The following CEP85 variants were observed in gnomAD, a reference collection of about 807,000 sequenced individuals.
The protein encoded by CEP85 is centrosomal protein of 85 kDa.
CEP85 carries 58 observed loss-of-function variants against 93.7 expected under a neutral mutation model. The observed-to-expected ratio is 0.62, with a 90% confidence interval of 0.50 to 0.77. CEP85 has a LOEUF of 0.77. Among genes scored for constraint, CEP85 ranks in the 30% least tolerant of loss-of-function variants. The probability of loss-of-function intolerance (pLI) is 0.00; values close to 1 mark genes in which losing one functional copy is unlikely to be tolerated. For missense variants in CEP85, 868 were observed against 922.0 expected (o/e 0.94, Z 0.76); for synonymous variants, 314 against 338.6 (o/e 0.93, Z 0.80).
In CEP85 at chr1:26,263,734, T is replaced by G. The variant is rs548347293; in HGVS notation, c.1341+3932T>G. On this transcript the variant is annotated intron_variant, in intron 7 of 13. Transcript: ENST00000451429. Reference sequence around the variant, plus strand: ...CTGTGCCCCAGCACAACCCCACAATTGTGTATCTATCTTGAGCTCTTCTCT... The same window carrying G: ...CTGTGCCCCAGCACAACCCCACAATGGTGTATCTATCTTGAGCTCTTCTCT... Among the ~76,000 whole-genome samples the G allele has an allele frequency of 2.0e-5, 3 of 152,150 alleles. No homozygotes were observed. In the South Asian group the frequency reaches 6.2e-4, roughly 32 times the overall value.
chr1:26,266,220 A>AT (rs1482533056), intron 7 of CEP85, among the ~76,000 whole-genome samples: 51 of 151,512 alleles, frequency 3.4e-4, no homozygotes, highest in African/African-American at 1.1e-3. Flanking sequence ...AAAAAAAAAA[A>AT]TTGTTTTTTC....
chr1:26,269,477 G>T lies in CEP85; in HGVS notation c.1512G>T (p.Leu504Phe). 6.2e-7 allele frequency: 1 copy of T among 1,614,170 alleles called. No individual in the cohort carries two copies. Among genetic ancestry groups the T allele is most frequent in the South Asian group, 1.1e-5 (1 of 91,076 alleles). Residue 504 changes from leucine (L) to phenylalanine (F), a missense_variant, in exon 9 of 14, where the codon TTG becomes TTT. Transcript: ENST00000451429. ...KQSQQLKDSE[L>F]KSTELQEKVT... is the part of the protein sequence containing the mutation. ...TCTCTCAGCTTAAGGATTCTGAGTTGAAGAGCACAGAGCTGCAGGAGAAAG... is the reference window on the plus strand; with the variant it reads ...TCTCTCAGCTTAAGGATTCTGAGTTTAAGAGCACAGAGCTGCAGGAGAAAG...
chr1:26,260,289 G>A (rs905969731), intron 7 of CEP85, among the ~76,000 whole-genome samples: 2 of 152,130 alleles, frequency 1.3e-5, no homozygotes, highest in Admixed American at 1.3e-4. Flanking sequence ...TCCAGAGTTC[G>A]AGACCAGCCT....
intron 4 of CEP85, among the ~76,000 whole-genome samples, chr1:26,256,453 C>T (rs2124583596): frequency 6.6e-6 from 1 of 152,056 alleles, no homozygotes; most frequent in Middle Eastern, 3.4e-3. Context: ...ATTGCTTGAA[C>T]CTGGGAGGCG....
At chr1:26,235,835 A>G (rs897451021) in intron 1 of CEP85, among the ~76,000 whole-genome samples, 2 of 152,096 alleles carry the variant, frequency 1.3e-5, no homozygotes, top group East Asian at 3.9e-4. Flanking sequence ...GCCTCCCAAA[A>G]TGCTGGGATT....
chr1:26,259,538 T>C, intron 6 of CEP85, 79 bp from the exon 7 acceptor site: 1 of 1,293,354 alleles, frequency 7.7e-7, no homozygotes, highest in Non-Finnish European at 1.1e-6. Flanking sequence ...TATTTGACCG[T>C]GAAGTATGCT....
intron 5 of CEP85, 152 bp from the exon 6 acceptor site, chr1:26,257,991 A>T: frequency 1.4e-6 from 1 of 720,364 alleles, no homozygotes; most frequent in South Asian, 1.7e-5. Context: ...TCATTTCCCC[A>T]GTTATCTTTC....
At position 26,252,102 on chromosome 1, in the gene CEP85, G is replaced by A. The variant is rs191647680; in HGVS notation, c.209-3069G>A. Among the ~76,000 whole-genome samples the A allele has an allele frequency of 4.6e-5, 7 of 152,108 alleles. 1 individual carries two copies. The highest frequency in any genetic ancestry group is 3.9e-4 in the Admixed American group (6 of 15,262). ...AAAAATTAGCCAGGCATGGTGGCGGGCTCCTGTAATCCCAGCTACTCGAGA... is the reference window on the plus strand; with the variant it reads ...AAAAATTAGCCAGGCATGGTGGCGGACTCCTGTAATCCCAGCTACTCGAGA... On this transcript the variant is annotated intron_variant, in intron 3 of 13. Coordinates refer to ENST00000451429, the MANE Select transcript of CEP85 (RefSeq NM_001319944.2).
intron 3 of CEP85, among the ~76,000 whole-genome samples, chr1:26,247,931 G>A (rs1398602491): frequency 6.6e-6 from 1 of 152,162 alleles, no homozygotes; most frequent in South Asian, 2.1e-4. Flanking sequence ...AAAGTGCTGG[G>A]ATTACAGGTG....
rs1346912605 is a variant in CEP85 at position 26,276,486 on chromosome 1, T to C, written c.1903-49T>C. Reference sequence around the variant, plus strand: ...CCCACACACTCATGCACAGATACTCTTCCTCTCCCTGGGCCTGAGTTAATG... The same window carrying C: ...CCCACACACTCATGCACAGATACTCCTCCTCTCCCTGGGCCTGAGTTAATG... On this transcript the variant is annotated intron_variant, in intron 12 of 13. Transcript: ENST00000451429. 4 of 1,443,650 alleles carry C rather than the reference T, an allele frequency of 2.8e-6. No homozygotes were observed. In the South Asian group the frequency reaches 4.6e-5, roughly 17 times the overall value. 89.4% of individuals were successfully genotyped at this position (1,443,650 alleles called of 1,614,324 possible). A position where few individuals can be genotyped will look rare whatever the true frequency, so the allele number is the denominator to read the frequency against.
rs2089940652 is a variant in CEP85 at position 26,269,508 on chromosome 1, G to A, written c.1543G>A (p.Glu515Lys). ...CACAGAGCTGCAGGAGAAAGTGACT[G>A]AGCTGGAGAGTTTGCTGGAGGAGAC... ...KSTELQEKVTELESLLEETQA... is the reference protein window; with the variant it reads ...KSTELQEKVTKLESLLEETQA... The change falls in exon 9 of 14, where the codon GAG (glutamate) becomes AAG (lysine). Residue 515 changes from glutamate to lysine, a missense_variant. Transcript: ENST00000451429. 1 of 1,614,120 alleles carries A rather than the reference G, an allele frequency of 6.2e-7. No individual in the cohort carries two copies. Among genetic ancestry groups the A allele is most frequent in the Non-Finnish European group, 8.5e-7 (1 of 1,179,966 alleles).
intron 6 of CEP85, 99 bp downstream of exon 6, chr1:26,258,359 A>G: frequency 1.3e-6 from 1 of 757,450 alleles, no homozygotes; most frequent in South Asian, 1.6e-5. Flanking sequence ...AAAGAGCTCA[A>G]GTGATGTAAG....
intron 7 of CEP85, among the ~76,000 whole-genome samples, chr1:26,261,083 A>C (rs528297930): frequency 5.9e-5 from 9 of 151,286 alleles, no homozygotes; most frequent in Non-Finnish European, 1.0e-4. Context: ...GACCCACTGC[A>C]CCCAGCTGGA....
At chr1:26,234,939 CGAA>C (rs1304218408) in intron 1 of CEP85, among the ~76,000 whole-genome samples, 1 of 152,094 alleles carries the variant, frequency 6.6e-6, no homozygotes, top group Admixed American at 6.5e-5. Flanking sequence ...GCATCTAGTG[CGAA>C]GAAGCCAGGG....
rs182517529 is a variant in CEP85, at chr1:26,267,433, G to A, written c.1342-1050G>A. On this transcript the variant is annotated intron_variant, in intron 7 of 13. Coordinates refer to ENST00000451429, the MANE Select transcript of CEP85 (RefSeq NM_001319944.2). Reference sequence around the variant, plus strand: ...AGAAAAATTAGCTGGGCATGGTGGCGGGTGCCTGTAATCCCAGCTACTCGG... The same window carrying A: ...AGAAAAATTAGCTGGGCATGGTGGCAGGTGCCTGTAATCCCAGCTACTCGG... Among the ~76,000 whole-genome samples, 19 of 152,120 alleles carry A rather than the reference G, an allele frequency of 1.2e-4. No individual in the cohort carries two copies. The East Asian group carries it at 1.7e-3, about 14-fold the overall frequency.
chr1:26,250,925 C>CCTTTTTTTTTTTTTTTTTTTTTT (rs2089598435), intron 3 of CEP85, among the ~76,000 whole-genome samples: 1 of 55,160 alleles, frequency 1.8e-5, no homozygotes, highest in African/African-American at 5.9e-5. Context: ...TTTTTTTTTT[C>CCTTTTTTTTTTTTTTTTTTTTTT]TTTTTTCTTT....
chr1:26,255,781 T>G lies in CEP85; in HGVS notation c.819T>G (p.Thr273=), dbSNP rs1409359580. ...PSQVWQPSPD[T]WHPREQSCEL... ...AGGTGTGGCAGCCGAGTCCTGACAC[T>G]TGGCATCCCCGAGAGCAATCTTGTG... is the stretch of plus-strand genomic sequence containing the variant. Residue 273 remains threonine (T), a synonymous_variant, in exon 4 of 14, where the codon ACT becomes ACG. Transcript: ENST00000451429. The G allele has an allele frequency of 6.2e-7, 1 of 1,614,048 alleles. No homozygotes were observed. Among genetic ancestry groups the G allele is most frequent in the East Asian group, 2.2e-5 (1 of 44,892 alleles).
chr1:26,271,567 A>G (rs972679134), intron 10 of CEP85: 1 of 173,632 alleles, frequency 5.8e-6, no homozygotes, highest in East Asian at 1.6e-4. Flanking sequence ...ATTCAAAGAA[A>G]CCAGGCCTAT....
chr1:26,257,625 C>T lies in CEP85; in HGVS notation c.932C>T (p.Pro311Leu). 1 of 1,614,212 alleles carries T rather than the reference C, an allele frequency of 6.2e-7. No homozygotes were observed. The highest frequency in any genetic ancestry group is 1.1e-5 in the South Asian group (1 of 91,090). Residue 311 changes from proline to leucine, a missense_variant, in exon 5 of 14, where the codon CCT becomes CTT. By Grantham distance (98) the Pro-to-Leu change is moderately conservative (BLOSUM62 -3). Coordinates refer to ENST00000451429, the MANE Select transcript of CEP85 (RefSeq NM_001319944.2). ...QLQNGAICHH[P>L]AAFGPSLPIL... ...CAGAATGGAGCCATCTGCCACCATC[C>T]TGCTGCTTTTGGTCCTTCACTGCCC...
Sources: gnomAD v4.1 joint callset for allele counts (sites outside exome capture counted in the v4.1 genomes callset) on GRCh38, gnomAD v4.1.1 for gene constraint, MANE v1.5 for transcripts, NCBI Gene and HGNC (gene_info 2026-07-23, HGNC 2026-07-21) for gene names.